The following PCDHA10 variants were observed in gnomAD, a reference collection of about 807,000 sequenced individuals.
The protein encoded by PCDHA10 is protocadherin alpha-10.
In PCDHA10, 45 loss-of-function variants were observed where a neutral mutation model predicts 61.2. That is an observed-to-expected ratio of 0.74 (90% CI 0.58 to 0.94). The LOEUF is 0.94. Ranked by LOEUF, PCDHA10 falls within the 40% of genes least tolerant of loss-of-function variation. PCDHA10 has a pLI of 0.00. For missense variants in PCDHA10, 1,278 were observed against 1,236.2 expected (o/e 1.03, Z -0.51); for synonymous variants, 602 against 548.8 (o/e 1.10, Z -1.35).
chr5:140,884,654 T>C, intron 1 of PCDHA10: 1 of 1,602,858 alleles, frequency 6.2e-7, no homozygotes, highest in South Asian at 1.1e-5. Context: ...CTCAGAATGC[T>C]TGAAAGAGGT....
At chr5:140,862,837 A>T (rs1562571150) in intron 1 of PCDHA10, 1 of 575,832 alleles carries the variant, frequency 1.7e-6, no homozygotes, top group African/African-American at 1.9e-5. Context: ...CGACGCGGGC[A>T]TGCCGCCTCT....
At chr5:141,009,034 C>T (rs183192515) in intron 3 of PCDHA10, among the ~76,000 whole-genome samples, 64 of 152,344 alleles carry the variant, frequency 4.2e-4, no homozygotes, top group African/African-American at 1.5e-3. Context: ...TTTCCCATCC[C>T]GTTCCCAGTC....
chr5:140,966,017 G>A (rs946123044), intron 1 of PCDHA10, among the ~76,000 whole-genome samples: 1 of 152,144 alleles, frequency 6.6e-6, no homozygotes, highest in Non-Finnish European at 1.5e-5. Flanking sequence ...GGGAAGATGT[G>A]GGAGTCAGGT....
intron 1 of PCDHA10, chr5:140,968,425 C>T (rs1195446919): frequency 6.2e-7 from 1 of 1,613,832 alleles, no homozygotes; most frequent in Non-Finnish European, 8.5e-7. Flanking sequence ...AGGCTCAGGA[C>T]AAGGGGAGCC....
intron 1 of PCDHA10, among the ~76,000 whole-genome samples, chr5:140,905,634 C>T (rs1554192107): frequency 6.6e-6 from 1 of 152,168 alleles, no homozygotes; most frequent in African/African-American, 2.4e-5. Context: ...ACAGTATGGT[C>T]AGTTTCACAG....
chr5:141,001,706 C>T (rs2098033561), intron 3 of PCDHA10, among the ~76,000 whole-genome samples: 1 of 151,850 alleles, frequency 6.6e-6, no homozygotes, highest in African/African-American at 2.4e-5. Flanking sequence ...AAATAGGGGG[C>T]GGGGAAGGAG....
chr5:140,862,633 G>C, intron 1 of PCDHA10: 5 of 537,306 alleles, frequency 9.3e-6, no homozygotes, highest in Non-Finnish European at 1.9e-5. Context: ...GGGCTGCCAC[G>C]ACTTCACAGT....
intron 3 of PCDHA10, 94 bp from the exon 4 acceptor site, chr5:141,009,533 G>C: frequency 1.3e-6 from 2 of 1,509,446 alleles, no homozygotes; most frequent in Non-Finnish European, 1.8e-6. Context: ...GGGAGGTTCA[G>C]CCTGCCTATG....
chr5:140,870,854 T>G, intron 1 of PCDHA10: 4 of 1,613,784 alleles, frequency 2.5e-6, no homozygotes, highest in Non-Finnish European at 3.4e-6. Flanking sequence ...CCGCGGTCGG[T>G]GGGTGCGGGC....
At chr5:140,882,404 G>A in intron 1 of PCDHA10, 1 of 1,614,152 alleles carries the variant, frequency 6.2e-7, no homozygotes. Context: ...CACCTTCGTG[G>A]GCCGCATCGC....
At chr5:140,996,308 A>G (rs997099218) in intron 3 of PCDHA10, among the ~76,000 whole-genome samples, 4 of 152,240 alleles carry the variant, frequency 2.6e-5, no homozygotes, top group African/African-American at 9.6e-5. Flanking sequence ...GTAACAAAGT[A>G]AGGGGGGAGG....
intron 1 of PCDHA10, chr5:140,882,334 A>G: frequency 1.2e-6 from 2 of 1,614,176 alleles, no homozygotes; most frequent in Non-Finnish European, 1.7e-6. Flanking sequence ...TGATCCTCGC[A>G]GCCTGGGAGA....
intron 3 of PCDHA10, among the ~76,000 whole-genome samples, chr5:141,000,343 C>G (rs1410684542): frequency 1.7e-5 from 2 of 116,202 alleles, no homozygotes; most frequent in Admixed American, 9.0e-5. Context: ...GGCCCTATCT[C>G]TCTCTCTGTC....
At chr5:141,007,030 A>G (rs1554261014) in intron 3 of PCDHA10, among the ~76,000 whole-genome samples, 1 of 152,186 alleles carries the variant, frequency 6.6e-6, no homozygotes, top group African/African-American at 2.4e-5. Flanking sequence ...TATGGTATTT[A>G]TATCTATGGA....
At chr5:140,882,993 T>G (rs1554176415) in intron 1 of PCDHA10, 2 of 1,614,080 alleles carry the variant, frequency 1.2e-6, no homozygotes, top group Non-Finnish European at 1.7e-6. Flanking sequence ...GCCCCGGAAT[T>G]TTACCAATCC....
chr5:141,003,425 C>A (rs1344914063), intron 3 of PCDHA10, among the ~76,000 whole-genome samples: 1 of 152,138 alleles, frequency 6.6e-6, no homozygotes, highest in Non-Finnish European at 1.5e-5. Context: ...GATTCTTATG[C>A]CTCAGCCTCC....
At chr5:140,888,198 G>A (rs1031899783) in intron 1 of PCDHA10, among the ~76,000 whole-genome samples, 2 of 152,044 alleles carry the variant, frequency 1.3e-5, no homozygotes, top group Admixed American at 6.6e-5. Flanking sequence ...TTACATTGTC[G>A]GATGCTGGAT....
chr5:140,862,831 G>A (rs782083560), intron 1 of PCDHA10: 2 of 572,766 alleles, frequency 3.5e-6, no homozygotes, highest in Admixed American at 1.9e-5. Context: ...AGCGCGCGAC[G>A]CGGGCATGCC....
At position 140,967,061 on chromosome 5, in the gene PCDHA10, C is replaced by G. The variant is rs1554229125; in HGVS notation, c.2389-11888C>G. The G allele has an allele frequency of 1.9e-6, 3 of 1,612,886 alleles. No individual in the cohort carries two copies. The Admixed American group carries it at 5.0e-5, about 27-fold the overall frequency. On this transcript the variant is annotated intron_variant, in intron 1 of 3. Coordinates refer to ENST00000307360, the MANE Select transcript of PCDHA10 (RefSeq NM_018901.4). ...GGAGCTGGACCTGACGAGTGGAGCG[C>G]TCTTCGTCAACGAGCGCATTGATCG...
Sources: gnomAD v4.1 joint callset for allele counts (sites outside exome capture counted in the v4.1 genomes callset) on GRCh38, gnomAD v4.1.1 for gene constraint, MANE v1.5 for transcripts, NCBI Gene and HGNC (gene_info 2026-07-23, HGNC 2026-07-21) for gene names.